The following ROR1 variants were observed in gnomAD, a reference collection of about 807,000 sequenced individuals.
ROR1 encodes inactive tyrosine-protein kinase transmembrane receptor ROR1.
Under a neutral mutation model 78.8 loss-of-function variants are expected in ROR1, and 19 were observed. The ratio of observed to expected loss-of-function variants is 0.24; its 90% CI spans 0.17 to 0.35. The LOEUF is 0.35. ROR1 is among the 10% of genes least tolerant of loss of function. ROR1 has a pLI of 1.00. For missense variants in ROR1, 917 were observed against 1,177.8 expected (o/e 0.78, Z 3.24); for synonymous variants, 386 against 433.6 (o/e 0.89, Z 1.36).
intron 1 of ROR1, among the ~76,000 whole-genome samples, chr1:63,848,061 G>C (rs998797482): frequency 6.6e-6 from 1 of 152,196 alleles, no homozygotes; most frequent in African/African-American, 2.4e-5. Context: ...CTTAAGAACC[G>C]ATATAGCTGA....
chr1:63,905,891 C>T (rs1376611863), intron 1 of ROR1, among the ~76,000 whole-genome samples: 1 of 152,092 alleles, frequency 6.6e-6, no homozygotes, highest in Non-Finnish European at 1.5e-5. Flanking sequence ...TTTTTAGTTA[C>T]TTAACTCGAT....
chr1:64,166,622 T>C (rs953815196), intron 8 of ROR1, among the ~76,000 whole-genome samples: 1 of 152,220 alleles, frequency 6.6e-6, no homozygotes, highest in Non-Finnish European at 1.5e-5. Context: ...CATAGGATAC[T>C]GTGGGCTGGG....
chr1:64,109,557 T>G (rs1479290206), intron 4 of ROR1, among the ~76,000 whole-genome samples: 2 of 152,078 alleles, frequency 1.3e-5, no homozygotes, highest in African/African-American at 4.8e-5. Flanking sequence ...AAGAGCCCTG[T>G]AGGCAAAGTT....
At chr1:63,966,864 A>C (rs1401045685) in intron 1 of ROR1, among the ~76,000 whole-genome samples, 1 of 152,218 alleles carries the variant, frequency 6.6e-6, no homozygotes, top group Non-Finnish European at 1.5e-5. Flanking sequence ...CTCTTACTTC[A>C]GATCAATTTC....
intron 1 of ROR1, among the ~76,000 whole-genome samples, chr1:63,856,985 C>T (rs544686928): frequency 2.7e-4 from 41 of 152,154 alleles, no homozygotes; most frequent in South Asian, 2.3e-3. Context: ...TCTCTTTTCT[C>T]GTTAGATTTT....
intron 1 of ROR1, among the ~76,000 whole-genome samples, chr1:63,783,162 AAGAC>A (rs1479589513): frequency 1.3e-5 from 2 of 152,268 alleles, no homozygotes; most frequent in East Asian, 3.9e-4. Context: ...GAAGAAAAGA[AAGAC>A]AGCGTTGAAT....
chr1:63,890,951 A>T (rs79763116), intron 1 of ROR1, among the ~76,000 whole-genome samples: 1,858 of 152,318 alleles, frequency 0.012, 42 homozygotes, highest in African/African-American at 0.043. Context: ...CAAGGAGCTC[A>T]AAACTTATTC....
At chr1:63,915,512 G>T (rs994627730) in intron 1 of ROR1, among the ~76,000 whole-genome samples, 1 of 152,126 alleles carries the variant, frequency 6.6e-6, no homozygotes, top group African/African-American at 2.4e-5. Flanking sequence ...GCTTAGTGGA[G>T]TATAAGAAGA....
intron 1 of ROR1, among the ~76,000 whole-genome samples, chr1:64,001,081 G>C (rs150121541): frequency 2.6e-5 from 4 of 152,292 alleles, no homozygotes; most frequent in African/African-American, 9.6e-5. Context: ...CCAGAAAATG[G>C]AAACCACCAA....
rs539673097 is a variant in ROR1, at chr1:63,781,288, AT to A, written c.91+6787del. ...GAGCACCTGCTATATGCCAGGTATC[AT>A]TTTTTTAAAGCTATTAAATTTATGC... is the stretch of plus-strand genomic sequence containing the variant. On this transcript the variant is annotated intron_variant, in intron 1 of 8. Transcript: ENST00000371079. 2.2e-3 allele frequency among the ~76,000 whole-genome samples: 337 copies of A among 152,264 alleles called. 1 individual carries two copies. Among genetic ancestry groups the A allele is most frequent in the Non-Finnish European group, 4.3e-3 (290 of 68,012 alleles).
intron 2 of ROR1, among the ~76,000 whole-genome samples, chr1:64,013,187 T>C (rs748863726): frequency 2.0e-5 from 3 of 152,206 alleles, no homozygotes; most frequent in African/African-American, 4.8e-5. Flanking sequence ...TGGGTTAATA[T>C]GGTTATTACT....
intron 2 of ROR1, 29 bp from the exon 3 acceptor site, chr1:64,049,662 T>C (rs1646811957): frequency 2.5e-6 from 4 of 1,601,034 alleles, no homozygotes; most frequent in Non-Finnish European, 3.4e-6. Flanking sequence ...TGTCTGCCCC[T>C]CTCACCTGCC....
At chr1:63,885,812 A>G (rs1162950406) in intron 1 of ROR1, among the ~76,000 whole-genome samples, 1 of 152,112 alleles carries the variant, frequency 6.6e-6, no homozygotes, top group Non-Finnish European at 1.5e-5. Context: ...GTGGTCCCCA[A>G]CCTTTTTGGC....
chr1:63,949,137 T>C (rs1049263889), intron 1 of ROR1, among the ~76,000 whole-genome samples: 2 of 151,986 alleles, frequency 1.3e-5, no homozygotes, highest in African/African-American at 4.8e-5. Context: ...AACCATTCCA[T>C]ATAAAGAAGG....
chr1:64,126,475 G>A (rs1318147756), intron 4 of ROR1, among the ~76,000 whole-genome samples: 1 of 152,152 alleles, frequency 6.6e-6, no homozygotes, highest in Non-Finnish European at 1.5e-5. Flanking sequence ...GACCAGTTAG[G>A]AGACTCCTGC....
In ROR1 at chr1:63,861,625, C is replaced by T. The variant is rs553201195; in HGVS notation, c.91+87117C>T. Among the ~76,000 whole-genome samples the T allele has an allele frequency of 5.9e-5, 9 of 152,296 alleles. No individual in the cohort carries two copies. In the South Asian group the frequency reaches 1.9e-3, roughly 32 times the overall value. ...CAGGAATACTTCACCAGTAGGCTTA[C>T]TGGAAGGTATGTCTTTCTGCATCTG... On this transcript the variant is annotated intron_variant, in intron 1 of 8. Transcript: ENST00000371079.
intron 1 of ROR1, among the ~76,000 whole-genome samples, chr1:63,922,322 C>A (rs1005493074): frequency 6.6e-6 from 1 of 152,174 alleles, no homozygotes. Context: ...CAGACAGGCT[C>A]ACTTGCCTGG....
intron 4 of ROR1, among the ~76,000 whole-genome samples, chr1:64,109,412 C>T (rs1647982811): frequency 6.6e-6 from 1 of 152,128 alleles, no homozygotes; most frequent in Non-Finnish European, 1.5e-5. Flanking sequence ...TTTCTGAGCA[C>T]TCTGAGCAGG....
At chr1:64,087,481 C>A (rs909945480) in intron 4 of ROR1, among the ~76,000 whole-genome samples, 52 of 152,214 alleles carry the variant, frequency 3.4e-4, no homozygotes, top group African/African-American at 1.2e-3. Context: ...CACACTGGAG[C>A]CACCAGGGAC....
Sources: gnomAD v4.1 joint callset for allele counts (sites outside exome capture counted in the v4.1 genomes callset) on GRCh38, gnomAD v4.1.1 for gene constraint, MANE v1.5 for transcripts, NCBI Gene and HGNC (gene_info 2026-07-23, HGNC 2026-07-21) for gene names.